Variants in ELAPOR1 observed in about 807,000 individuals in gnomAD.
ELAPOR1 encodes endosome/lysosome-associated apoptosis and autophagy regulator 1.
Under a neutral mutation model 119.7 loss-of-function variants are expected in ELAPOR1, and 77 were observed. That is an observed-to-expected ratio of 0.64 (90% CI 0.54 to 0.78). The LOEUF (loss-of-function observed/expected upper bound fraction) is 0.78, where lower values mean the gene tolerates loss of function less well. Ranked by LOEUF, ELAPOR1 falls within the 30% of genes least tolerant of loss-of-function variation. The probability of loss-of-function intolerance (pLI) is 0.00; values close to 1 mark genes in which losing one functional copy is unlikely to be tolerated. For synonymous variants in ELAPOR1, 481 were observed against 487.2 expected (o/e 0.99, Z 0.17); for missense variants, 1,115 against 1,270.4 (o/e 0.88, Z 1.86).
At chr1:109,199,254 C>T (rs1349262249) in intron 18 of ELAPOR1, among the ~76,000 whole-genome samples, 4 of 152,148 alleles carry the variant, frequency 2.6e-5, no homozygotes, top group Non-Finnish European at 4.4e-5. Context: ...CTCCCCTCCC[C>T]GCATAACAGC....
At chr1:109,129,097 T>C (rs967803570) in intron 1 of ELAPOR1, among the ~76,000 whole-genome samples, 3 of 152,194 alleles carry the variant, frequency 2.0e-5, no homozygotes, top group Admixed American at 6.6e-5. Flanking sequence ...TTTTACCAAA[T>C]AGTTATTTTT....
In ELAPOR1 at chr1:109,191,769, G is replaced by T. The variant is rs377324331; in HGVS notation, c.1589G>T (p.Gly530Val). 3 of 1,614,076 alleles carry T rather than the reference G, an allele frequency of 1.9e-6. No homozygotes were observed. Among genetic ancestry groups the T allele is most frequent in the Non-Finnish European group, 8.5e-7 (1 of 1,180,040 alleles). ...RTNTPVETWKGSKGKQSYTYI... is the reference protein window; with the variant it reads ...RTNTPVETWKVSKGKQSYTYI... ...AACACTCCTGTGGAGACGTGGAAAGGTTCCAAAGGCAAACAGTCCTATACC... is the reference window on the plus strand; with the variant it reads ...AACACTCCTGTGGAGACGTGGAAAGTTTCCAAAGGCAAACAGTCCTATACC... The change falls in exon 13 of 22, where the codon GGT (glycine) becomes GTT (valine). Residue 530 changes from glycine (G) to valine (V), a missense_variant. Physicochemically the swap from Gly to Val is moderately radical, Grantham distance 109. Coordinates refer to ENST00000369939, the MANE Select transcript of ELAPOR1 (RefSeq NM_020775.5).
At chr1:109,180,167 G>C (rs1203726843) in intron 7 of ELAPOR1, among the ~76,000 whole-genome samples, 1 of 152,158 alleles carries the variant, frequency 6.6e-6, no homozygotes, top group Non-Finnish European at 1.5e-5. Flanking sequence ...TTGATCATTA[G>C]GTTTAATTTC....
At chr1:109,160,924 T>C (rs1449272660) in intron 1 of ELAPOR1, among the ~76,000 whole-genome samples, 2 of 152,216 alleles carry the variant, frequency 1.3e-5, no homozygotes, top group Non-Finnish European at 2.9e-5. Flanking sequence ...TAATGCTTGA[T>C]TTGGTTGTTT....
At position 109,199,835 on chromosome 1, in the gene ELAPOR1, C is replaced by T. The variant is rs1265131745; in HGVS notation, c.2502-19C>T. The T allele has an allele frequency of 2.5e-6, 4 of 1,608,348 alleles. No homozygotes were observed. In the Admixed American group the frequency reaches 5.0e-5, roughly 20 times the overall value. ...CCCTCCAGCGAGTGAGAGCTCAGGT[C>T]TCTTTTCTGCTTTGCTAGAACGTGC... On this transcript the variant is annotated intron_variant, in intron 18 of 21. Transcript: ENST00000369939.
chr1:109,202,853 G>C (rs562076870), intron 21 of ELAPOR1, 91 bp from the exon 22 acceptor site: 1 of 1,188,976 alleles, frequency 8.4e-7, no homozygotes, highest in East Asian at 2.3e-5. Context: ...TTTCATAAGG[G>C]TTCCTTCTGT....
rs1652074464 is a variant in ELAPOR1, at chr1:109,173,806, T to C, written c.921T>C (p.Ser307=). Residue 307 remains serine (S), a synonymous_variant, in exon 7 of 22, where the codon TCT becomes TCC. Transcript: ENST00000369939. ...ANSYSNKGET[S]CHQCDPDKYS... ...CTTATTCAAATAAAGGAGAAACTTCTTGCCACCAGTGTGACCCTGACAAAT... is the reference window on the plus strand; with the variant it reads ...CTTATTCAAATAAAGGAGAAACTTCCTGCCACCAGTGTGACCCTGACAAAT... 6.2e-7 allele frequency: 1 copy of C among 1,614,100 alleles called. No homozygotes were observed. The highest frequency in any genetic ancestry group is 8.5e-7 in the Non-Finnish European group (1 of 1,180,008).
At chr1:109,165,305 G>A (rs1418575808) in intron 3 of ELAPOR1, among the ~76,000 whole-genome samples, 2 of 151,972 alleles carry the variant, frequency 1.3e-5, no homozygotes, top group African/African-American at 2.4e-5. Flanking sequence ...AACAAAAACC[G>A]GCAGGGCGCG....
chr1:109,175,295 C>T (rs1338494933), intron 7 of ELAPOR1, among the ~76,000 whole-genome samples: 1 of 151,656 alleles, frequency 6.6e-6, no homozygotes, highest in Admixed American at 6.6e-5. Flanking sequence ...CTCTGCCTCC[C>T]GGGTTCAAGC....
At chr1:109,149,983 T>C (rs1650431079) in intron 1 of ELAPOR1, among the ~76,000 whole-genome samples, 1 of 152,188 alleles carries the variant, frequency 6.6e-6, no homozygotes, top group Admixed American at 6.5e-5. Flanking sequence ...ACATGGATGC[T>C]TAGAGGTGCT....
chr1:109,158,684 G>A (rs564017116), intron 1 of ELAPOR1, among the ~76,000 whole-genome samples: 1 of 152,118 alleles, frequency 6.6e-6, no homozygotes, highest in Non-Finnish European at 1.5e-5. Context: ...GGAGTTACGT[G>A]CTGGATGTAT....
chr1:109,137,949 C>G (rs990940104), intron 1 of ELAPOR1, among the ~76,000 whole-genome samples: 1 of 152,218 alleles, frequency 6.6e-6, no homozygotes, highest in African/African-American at 2.4e-5. Flanking sequence ...AATTCCTTAG[C>G]TGTTTCTAGA....
chr1:109,178,070 C>T (rs1423703555), intron 7 of ELAPOR1, among the ~76,000 whole-genome samples: 5 of 143,676 alleles, frequency 3.5e-5, no homozygotes, highest in African/African-American at 1.1e-4. Context: ...AGTGCAATGG[C>T]GCAATCTTGG....
chr1:109,175,813 C>T (rs1386420155), intron 7 of ELAPOR1, among the ~76,000 whole-genome samples: 13 of 103,978 alleles, frequency 1.3e-4, no homozygotes, highest in Admixed American at 2.9e-4. Context: ...GGTGATAGAG[C>T]GAGACTCAGT....
intron 1 of ELAPOR1, among the ~76,000 whole-genome samples, chr1:109,152,496 G>C (rs1267917846): frequency 3.3e-5 from 5 of 152,150 alleles, no homozygotes; most frequent in African/African-American, 1.2e-4. Flanking sequence ...TTCTCTCTGG[G>C]AGGTAGGGGA....
chr1:109,150,658 T>A (rs1038555511), intron 1 of ELAPOR1, among the ~76,000 whole-genome samples: 1 of 152,192 alleles, frequency 6.6e-6, no homozygotes, highest in Non-Finnish European at 1.5e-5. Flanking sequence ...GTGTGTGAAA[T>A]TTTTGGTTCA....
chr1:109,169,505 T>C (rs1198534059), intron 3 of ELAPOR1, among the ~76,000 whole-genome samples: 1 of 152,044 alleles, frequency 6.6e-6, no homozygotes, highest in African/African-American at 2.4e-5. Context: ...CGCCTCAGCC[T>C]CCCAAAGTGC....
intron 3 of ELAPOR1, among the ~76,000 whole-genome samples, chr1:109,166,162 G>A (rs1406654299): frequency 2.0e-5 from 3 of 152,048 alleles, no homozygotes; most frequent in African/African-American, 7.2e-5. Context: ...TGATCCACCT[G>A]CCTCGGCCTC....
chr1:109,171,737 C>A, intron 3 of ELAPOR1, 129 bp from the exon 4 acceptor site: 1 of 978,092 alleles, frequency 1.0e-6, no homozygotes, highest in Non-Finnish European at 1.5e-6. Flanking sequence ...ATTTTCAGGT[C>A]CAAGTTTCAG....
Sources: allele counts gnomAD v4.1 joint callset (sites outside exome capture counted in the v4.1 genomes callset), GRCh38; gene constraint gnomAD v4.1.1; transcripts MANE v1.5; gene names NCBI Gene and HGNC (gene_info 2026-07-23, HGNC 2026-07-21).